LSAMP: variants seen among roughly 807,000 people sequenced by gnomAD.
LSAMP encodes limbic system-associated membrane protein.
Under a neutral mutation model 38.6 loss-of-function variants are expected in LSAMP, and 7 were observed. The observed-to-expected ratio is 0.18, with a 90% CI of 0.10 to 0.34. The LOEUF is 0.34. Ranked by LOEUF, LSAMP falls within the 10% of genes least tolerant of loss-of-function variation. The probability of loss-of-function intolerance (pLI) is 1.00; values close to 1 mark genes in which losing one functional copy is unlikely to be tolerated. For missense variants in LSAMP, 313 were observed against 420.0 expected, an observed-to-expected ratio of 0.75 and a Z score of 2.23; for synonymous variants, 154 against 166.8, an observed-to-expected ratio of 0.92 and a Z score of 0.59.
At chr3:116,355,207 A>C (rs1156573675) in intron 1 of LSAMP, among the ~76,000 whole-genome samples, 1 of 152,168 alleles carries the variant, frequency 6.6e-6, no homozygotes, top group African/African-American at 2.4e-5. Flanking sequence ...CAGCAAGCCA[A>C]TTTATACAGT....
At chr3:115,967,043 G>T (rs1202236663) in intron 3 of LSAMP, among the ~76,000 whole-genome samples, 3 of 152,136 alleles carry the variant, frequency 2.0e-5, no homozygotes, top group African/African-American at 7.2e-5. Context: ...GCAAATTTCT[G>T]CAGCCAGCTT....
In LSAMP at chr3:115,841,912, G is replaced by C. The variant is rs777779187; in HGVS notation, c.852C>G (p.His284Gln). ...CAGCCACACAGGTGTAGTTGCCGTAGTGCTCCTCAGTGACGTTGGTCACCG... is the reference window on the plus strand; with the variant it reads ...CAGCCACACAGGTGTAGTTGCCGTACTGCTCCTCAGTGACGTTGGTCACCG... ...SLTVTNVTEE[H>Q]YGNYTCVAAN... The change falls in exon 6 of 7, where the codon CAC (histidine) becomes CAG (glutamine). Residue 284 changes from histidine to glutamine, a missense_variant. Physicochemically the swap from His to Gln is conservative, Grantham distance 24. Transcript: ENST00000490035. 1.2e-6 allele frequency: 2 copies of C among 1,614,018 alleles called. No homozygotes were observed. Among genetic ancestry groups the C allele is most frequent in the Non-Finnish European group, 1.7e-6 (2 of 1,180,014 alleles).
chr3:116,081,068 G>C (rs1707860564), intron 2 of LSAMP, among the ~76,000 whole-genome samples: 1 of 152,188 alleles, frequency 6.6e-6, no homozygotes, highest in African/African-American at 2.4e-5. Flanking sequence ...GGAGTTCTGG[G>C]TAACAGATTT....
At chr3:116,262,861 A>C (rs150670779) in intron 1 of LSAMP, among the ~76,000 whole-genome samples, 6 of 152,204 alleles carry the variant, frequency 3.9e-5, no homozygotes, top group African/African-American at 1.4e-4. Flanking sequence ...AATTTTCTGC[A>C]CTTGGAAAGC....
intron 2 of LSAMP, among the ~76,000 whole-genome samples, chr3:116,031,031 A>T (rs1307048846): frequency 6.6e-6 from 1 of 152,180 alleles, no homozygotes; most frequent in African/African-American, 2.4e-5. Context: ...TTGAATTGAA[A>T]AAATTGAATG....
intron 1 of LSAMP, among the ~76,000 whole-genome samples, chr3:116,294,189 A>G (rs551309389): frequency 2.0e-5 from 3 of 152,300 alleles, no homozygotes; most frequent in East Asian, 1.9e-4. Flanking sequence ...ACTACTTGAC[A>G]TTGAACACTG....
rs573011657 is a variant in LSAMP at position 116,324,556 on chromosome 3, G to A, written c.155+120321C>T. Among the ~76,000 whole-genome samples, 7 of 152,156 alleles carry A rather than the reference G, an allele frequency of 4.6e-5. No individual in the cohort carries two copies. In the South Asian group the frequency reaches 1.4e-3, roughly 31 times the overall value. On this transcript the variant is annotated intron_variant, in intron 1 of 6. Coordinates refer to ENST00000490035, the MANE Select transcript of LSAMP (RefSeq NM_002338.5). ...GATAAAACGTTTCATTAATACTAGA[G>A]TCATAATCTATTCATTCCGAGTTCT...
intron 1 of LSAMP, among the ~76,000 whole-genome samples, chr3:116,113,886 G>C (rs1708685895): frequency 6.6e-6 from 1 of 152,134 alleles, no homozygotes; most frequent in African/African-American, 2.4e-5. Context: ...ATCAATAATT[G>C]CAAGCTACAA....
intron 1 of LSAMP, among the ~76,000 whole-genome samples, chr3:116,218,329 A>G (rs1224091145): frequency 6.6e-6 from 1 of 152,198 alleles, no homozygotes; most frequent in African/African-American, 2.4e-5. Flanking sequence ...GATTTGCAAT[A>G]AATTGTGACA....
intron 1 of LSAMP, among the ~76,000 whole-genome samples, chr3:116,317,264 C>T (rs1396347532): frequency 6.6e-6 from 1 of 152,146 alleles, no homozygotes; most frequent in Non-Finnish European, 1.5e-5. Flanking sequence ...CTGTGAAGGT[C>T]TGCTGCTCAA....
chr3:116,402,995 A>G (rs1027835184), intron 1 of LSAMP, among the ~76,000 whole-genome samples: 2 of 152,178 alleles, frequency 1.3e-5, no homozygotes, highest in Non-Finnish European at 2.9e-5. Flanking sequence ...TCTGGACTCA[A>G]GTGTTAGCAT....
At chr3:116,350,608 T>C (rs751867038) in intron 1 of LSAMP, among the ~76,000 whole-genome samples, 2 of 148,816 alleles carry the variant, frequency 1.3e-5, no homozygotes, top group Non-Finnish European at 3.0e-5. Context: ...GGTATCACAG[T>C]GCTTATGTCA....
At chr3:116,281,692 A>T (rs915994971) in intron 1 of LSAMP, among the ~76,000 whole-genome samples, 4 of 152,232 alleles carry the variant, frequency 2.6e-5, no homozygotes, top group Admixed American at 2.0e-4. Flanking sequence ...TTCATGTTAA[A>T]TAGATACTCT....
intron 2 of LSAMP, among the ~76,000 whole-genome samples, chr3:116,054,223 G>GT (rs1311248197): frequency 6.6e-6 from 1 of 152,166 alleles, no homozygotes; most frequent in Non-Finnish European, 1.5e-5. Flanking sequence ...CTGAAGCTAT[G>GT]TTTTTGTCAT....
intron 1 of LSAMP, among the ~76,000 whole-genome samples, chr3:116,242,850 T>C (rs149578430): frequency 1.6e-3 from 242 of 152,024 alleles, no homozygotes; most frequent in African/African-American, 5.5e-3. Flanking sequence ...AGTGTCCAAA[T>C]TGTTATTGAA....
At chr3:115,951,288 T>C (rs546318954) in intron 3 of LSAMP, among the ~76,000 whole-genome samples, 1 of 152,056 alleles carries the variant, frequency 6.6e-6, no homozygotes, top group Admixed American at 6.6e-5. Context: ...CCAATTAAAC[T>C]AAAAAGCTTC....
At chr3:115,941,295 G>A (rs888593419) in intron 3 of LSAMP, among the ~76,000 whole-genome samples, 2 of 152,198 alleles carry the variant, frequency 1.3e-5, no homozygotes, top group Admixed American at 6.5e-5. Flanking sequence ...GTGGAAAAGG[G>A]TTTGGAAAAA....
chr3:116,369,822 C>CT (rs2048406465), intron 1 of LSAMP: 1 of 152,480 alleles, frequency 6.6e-6, no homozygotes, highest in Admixed American at 6.6e-5. Flanking sequence ...TGACTGCTGT[C>CT]TTTATAAGGA....
At chr3:116,163,472 T>C (rs1709951758) in intron 1 of LSAMP, among the ~76,000 whole-genome samples, 1 of 151,592 alleles carries the variant, frequency 6.6e-6, no homozygotes, top group Non-Finnish European at 1.5e-5. Flanking sequence ...ATCCAGTCTA[T>C]CATTGTTGGA....
Sources: allele counts gnomAD v4.1 joint callset (sites outside exome capture counted in the v4.1 genomes callset), GRCh38; gene constraint gnomAD v4.1.1; transcripts MANE v1.5; gene names NCBI Gene and HGNC (gene_info 2026-07-23, HGNC 2026-07-21).